The following VANGL1 variants were observed in gnomAD, a reference collection of about 807,000 sequenced individuals.
The protein encoded by VANGL1 is vang-like protein 1.
VANGL1 carries 18 observed loss-of-function variants against 48.4 expected under a neutral mutation model. That is an observed-to-expected ratio of 0.37 (90% CI 0.26 to 0.55). The LOEUF is 0.55. Among genes scored for constraint, VANGL1 ranks in the 20% least tolerant of loss-of-function variants. VANGL1 has a pLI of 0.81. For missense variants in VANGL1, 667 were observed against 675.8 expected, an observed-to-expected ratio of 0.99 and a Z score of 0.14; for synonymous variants, 257 against 261.8, an observed-to-expected ratio of 0.98 and a Z score of 0.18.
chr1:115,674,149 C>G (rs1653082109), intron 4 of VANGL1, among the ~76,000 whole-genome samples: 1 of 152,172 alleles, frequency 6.6e-6, no homozygotes, highest in African/African-American at 2.4e-5. Flanking sequence ...CTTTCTCTGC[C>G]TGGAATTTGC....
chr1:115,678,354 G>A (rs972116980), intron 4 of VANGL1, among the ~76,000 whole-genome samples: 9 of 152,220 alleles, frequency 5.9e-5, no homozygotes, highest in African/African-American at 1.7e-4. Flanking sequence ...GGACAGTGGC[G>A]GAGGGAATGG....
At chr1:115,682,593 G>C in intron 5 of VANGL1, 96 bp downstream of exon 5, 1 of 1,574,650 alleles carries the variant, frequency 6.4e-7, no homozygotes, top group East Asian at 2.2e-5. Context: ...TCTTCTCTGG[G>C]CCTACCTTTA....
Position 115,691,392 on chromosome 1 carries a change from T to G in VANGL1, c.*13T>G. 1 of 1,606,218 alleles carries G rather than the reference T, an allele frequency of 6.2e-7. No individual in the cohort carries two copies. The highest frequency in any genetic ancestry group is 2.2e-5 in the East Asian group (1 of 44,854). ...GACATCCGTTTAAAAGTTCTATATTTGTGGCTTTATTAAAAAAAAAAGAAA... is the reference window on the plus strand; with the variant it reads ...GACATCCGTTTAAAAGTTCTATATTGGTGGCTTTATTAAAAAAAAAAGAAA... On this transcript the variant is annotated 3_prime_UTR_variant, in exon 8 of 8. Coordinates refer to ENST00000355485, the MANE Select transcript of VANGL1 (RefSeq NM_138959.3).
chr1:115,691,365 G>A lies in VANGL1; in HGVS notation c.1561G>A (p.Glu521Lys), dbSNP rs1214028815. Residue 521 changes from glutamate to lysine, a missense_variant, in exon 8 of 8, where the codon GAG becomes AAG. Transcript: ENST00000355485. ...CAAATTTGTCCTTCGCTTACAGTCT[G>A]AGACATCCGTTTAAAAGTTCTATAT... ...SHKFVLRLQS[E>K]TSV The A allele has an allele frequency of 1.3e-5, 21 of 1,613,760 alleles. No individual in the cohort carries two copies. The highest frequency in any genetic ancestry group is 1.8e-5 in the Non-Finnish European group (21 of 1,179,998).
intron 1 of VANGL1, among the ~76,000 whole-genome samples, chr1:115,650,824 CA>C (rs1452618420): frequency 1.3e-5 from 2 of 150,734 alleles, no homozygotes; most frequent in African/African-American, 4.9e-5. Flanking sequence ...GATCCTAGAT[CA>C]AAAAGATTGA....
In VANGL1 at chr1:115,685,540, G is replaced by A. The variant is rs754655624; in HGVS notation, c.1314+13G>A. On this transcript the variant is annotated intron_variant, in intron 7 of 7. Coordinates refer to ENST00000355485, the MANE Select transcript of VANGL1 (RefSeq NM_138959.3). ...CATGACCCCCAAGGTGCGCTGCTCC[G>A]GGCGGGCTCTGCCACCGTCATCCTG... 5.6e-6 allele frequency: 9 copies of A among 1,612,918 alleles called. No homozygotes were observed. The highest frequency in any genetic ancestry group is 5.3e-5 in the African/African-American group (4 of 74,908).
intron 2 of VANGL1, among the ~76,000 whole-genome samples, chr1:115,657,247 C>T (rs1293231013): frequency 1.3e-5 from 2 of 152,174 alleles, no homozygotes; most frequent in African/African-American, 4.8e-5. Context: ...TTTCATAGCT[C>T]TAATAGTTTT....
chr1:115,674,381 T>G (rs745590333), intron 4 of VANGL1, among the ~76,000 whole-genome samples: 8 of 152,240 alleles, frequency 5.3e-5, no homozygotes, highest in Non-Finnish European at 7.3e-5. Context: ...CATCCGGGTC[T>G]CAGTACTAGG....
At chr1:115,676,398 T>C (rs2999460) in intron 4 of VANGL1, among the ~76,000 whole-genome samples, 54,780 of 152,048 alleles carry the variant, frequency 0.36, 10,490 homozygotes, top group African/African-American at 0.48. Flanking sequence ...TCATTTCCCA[T>C]GGCAGTACCC....
intron 3 of VANGL1, among the ~76,000 whole-genome samples, chr1:115,663,074 C>T (rs779215479): frequency 7.2e-5 from 11 of 152,226 alleles, no homozygotes; most frequent in East Asian, 1.9e-4. Flanking sequence ...TGTGAGCCAC[C>T]GCGCCCCAGT....
Position 115,697,338 on chromosome 1 carries a change from C to T in VANGL1, c.*5959C>T, listed in dbSNP as rs1387076264. Reference sequence around the variant, plus strand: ...GGAACATTCGCTTACTTTTCATCATCATTCTTTAAAAAGGGAACATACAAA... The same window carrying T: ...GGAACATTCGCTTACTTTTCATCATTATTCTTTAAAAAGGGAACATACAAA... On this transcript the variant is annotated 3_prime_UTR_variant, in exon 8 of 8. Transcript: ENST00000355485. The T allele has an allele frequency of 1.3e-5, 2 of 152,194 alleles. No individual in the cohort carries two copies. The highest frequency in any genetic ancestry group is 4.8e-5 in the African/African-American group (2 of 41,438). 9.4% of individuals were successfully genotyped at this position (152,194 alleles called of 1,614,324 possible).
chr1:115,642,565 G>A (rs1651773100), intron 1 of VANGL1: 1 of 152,206 alleles, frequency 6.6e-6, no homozygotes, highest in African/African-American at 2.4e-5. Flanking sequence ...CCCTGGCGGG[G>A]CTCGACCCGG....
At chr1:115,663,034 C>G (rs1011209611) in intron 3 of VANGL1, among the ~76,000 whole-genome samples, 6 of 152,284 alleles carry the variant, frequency 3.9e-5, no homozygotes, top group Admixed American at 1.3e-4. Flanking sequence ...ATCCGTCCGC[C>G]TCGGCCTTCC....
At chr1:115,685,858 C>G (rs1358648643) in intron 7 of VANGL1, among the ~76,000 whole-genome samples, 2 of 152,036 alleles carry the variant, frequency 1.3e-5, no homozygotes, top group African/African-American at 4.8e-5. Context: ...GGCTCCTCCA[C>G]CAACTAGATG....
intron 4 of VANGL1, among the ~76,000 whole-genome samples, chr1:115,672,192 T>C (rs1206676930): frequency 6.6e-6 from 1 of 152,184 alleles, no homozygotes; most frequent in Non-Finnish European, 1.5e-5. Context: ...TGGAGATCAT[T>C]CTGTGATTCC....
Position 115,685,430 on chromosome 1 carries a change from A to G in VANGL1, c.1217A>G (p.Gln406Arg). 6.2e-7 allele frequency: 1 copy of G among 1,614,162 alleles called. No individual in the cohort carries two copies. The highest frequency in any genetic ancestry group is 2.2e-5 in the East Asian group (1 of 44,868). Residue 406 changes from glutamine to arginine, a missense_variant, in exon 7 of 8, where the codon CAG (glutamine) becomes CGG (arginine). Gln to Arg is a conservative substitution (Grantham distance 43). Transcript: ENST00000355485. ...AIFPSMARAL[Q>R]KYLRITRQQN... ...TTCCCCTCCATGGCCAGGGCTCTCC[A>G]GAAGTACCTGCGCATCACCCGGCAG...
chr1:115,685,209 G>A (rs1653550610), intron 6 of VANGL1, 84 bp from the exon 7 acceptor site: 4 of 1,484,694 alleles, frequency 2.7e-6, no homozygotes, highest in South Asian at 2.4e-5. Flanking sequence ...AGGTTGGGCC[G>A]CAGCAGGGTA....
intron 4 of VANGL1, among the ~76,000 whole-genome samples, chr1:115,670,464 T>G (rs1652937439): frequency 6.6e-6 from 1 of 152,194 alleles, no homozygotes; most frequent in South Asian, 2.1e-4. Flanking sequence ...TTTTCTAGTT[T>G]TAAGTGACAA....
intron 1 of VANGL1, among the ~76,000 whole-genome samples, chr1:115,648,363 G>C (rs1317105471): frequency 2.0e-5 from 3 of 152,144 alleles, no homozygotes; most frequent in Non-Finnish European, 4.4e-5. Flanking sequence ...GGAGAAGGAG[G>C]GAGTGACAGC....
Sources: allele counts gnomAD v4.1 joint callset (sites outside exome capture counted in the v4.1 genomes callset), GRCh38; gene constraint gnomAD v4.1.1; transcripts MANE v1.5; gene names NCBI Gene and HGNC (gene_info 2026-07-23, HGNC 2026-07-21).